The following LAMC3 variants were observed in gnomAD, a reference collection of about 807,000 sequenced individuals.
LAMC3 encodes the protein laminin subunit gamma-3.
In LAMC3, 128 loss-of-function variants were observed where a neutral mutation model predicts 173.8. That is an observed-to-expected ratio of 0.74 (90% CI 0.64 to 0.85). The LOEUF (loss-of-function observed/expected upper bound fraction) is 0.85. Among genes scored for constraint, LAMC3 ranks in the 40% least tolerant of loss-of-function variants. The pLI, the probability that LAMC3 is intolerant of heterozygous loss-of-function variation, is 0.00. For missense variants in LAMC3, 2,022 were observed against 2,156.0 expected, an observed-to-expected ratio of 0.94 and a Z score of 1.23; for synonymous variants, 897 against 909.1, an observed-to-expected ratio of 0.99 and a Z score of 0.24.
chr9:131,052,984 A>C lies in LAMC3; in HGVS notation c.1939+19A>C. On this transcript the variant is annotated intron_variant, in intron 11 of 27. Coordinates refer to ENST00000361069, the MANE Select transcript of LAMC3 (RefSeq NM_006059.4). ...CCTGCCGGTCAGTAAAGACAACCACATGCCCAAGACCCGAGTGCTTGCCAG... is the reference window on the plus strand; with the variant it reads ...CCTGCCGGTCAGTAAAGACAACCACCTGCCCAAGACCCGAGTGCTTGCCAG... The C allele has an allele frequency of 9.7e-6, 15 of 1,546,106 alleles. No individual in the cohort carries two copies. The highest frequency in any genetic ancestry group is 1.2e-5 in the Non-Finnish European group (14 of 1,121,304).
At chr9:131,064,664 CAAA>C (rs36112492) in intron 13 of LAMC3, among the ~76,000 whole-genome samples, 1 of 32,474 alleles carries the variant, frequency 3.1e-5, no homozygotes, top group Non-Finnish European at 6.8e-5. Context: ...ACTCCGTCTC[CAAA>C]AAAAAAAAAA....
Position 131,071,639 on chromosome 9 carries a change from G to A in LAMC3, c.3211+14G>A, listed in dbSNP as rs369043402. On this transcript the variant is annotated intron_variant, in intron 18 of 27. Transcript: ENST00000361069. ...ACCTGCTTCCAGGTACAGCAGGAGC[G>A]CAGAGCGGGAGGGTGGGAGGCAAGG... 1.6e-4 allele frequency: 252 copies of A among 1,558,102 alleles called. 1 individual carries two copies. In the South Asian group the frequency reaches 2.5e-3, roughly 16 times the overall value.
chr9:131,071,767 C>A (rs1830040290), intron 18 of LAMC3, 142 bp downstream of exon 18: 2 of 771,086 alleles, frequency 2.6e-6, no homozygotes, highest in African/African-American at 3.5e-5. Context: ...CCACCTGTAA[C>A]TTTATTAATA....
intron 13 of LAMC3, among the ~76,000 whole-genome samples, chr9:131,062,754 A>G (rs548129331): frequency 6.6e-6 from 1 of 152,020 alleles, no homozygotes; most frequent in South Asian, 2.1e-4. Flanking sequence ...CTGTAATCCC[A>G]GCTACTCGGG....
At chr9:131,080,769 A>C (rs1830224436) in intron 23 of LAMC3, among the ~76,000 whole-genome samples, 1 of 152,082 alleles carries the variant, frequency 6.6e-6, no homozygotes, top group Non-Finnish European at 1.5e-5. Context: ...CTTCCCCAGG[A>C]GTCAGGGCCA....
intron 25 of LAMC3, 94 bp downstream of exon 25, chr9:131,085,817 C>A: frequency 1.7e-6 from 2 of 1,170,174 alleles, no homozygotes; most frequent in Non-Finnish European, 2.5e-6. Flanking sequence ...CTGACTACTC[C>A]GCACTCACTC....
chr9:131,016,945 T>A (rs532885014), intron 1 of LAMC3, among the ~76,000 whole-genome samples: 4 of 152,188 alleles, frequency 2.6e-5, no homozygotes, highest in Middle Eastern at 3.4e-3. Flanking sequence ...ATTTTTTTTT[T>A]AAAAAGCACC....
chr9:131,026,451 C>T lies in LAMC3; in HGVS notation c.540C>T (p.Arg180=), dbSNP rs1262598398. Residue 180 remains arginine (R), a synonymous_variant, in exon 2 of 28, where the codon CGC becomes CGT. Transcript: ENST00000361069. This position sits in a 1 kb window ranked among gnomAD's most constrained non-coding sequence, Gnocchi z 4.8. ...TYGRPEGQYL[R]PGEDERVAFC... ...GCCGGCCCGAGGGCCAGTACCTGCGCCCCGGCGAGGACGAGCGCGTGGCCT... is the reference window on the plus strand; with the variant it reads ...GCCGGCCCGAGGGCCAGTACCTGCGTCCCGGCGAGGACGAGCGCGTGGCCT... 3.1e-6 allele frequency: 5 copies of T among 1,613,642 alleles called. No homozygotes were observed. In the South Asian group the frequency reaches 5.5e-5, roughly 18 times the overall value.
intron 3 of LAMC3, among the ~76,000 whole-genome samples, chr9:131,032,758 T>A (rs1038264486): frequency 6.6e-6 from 1 of 152,162 alleles, no homozygotes; most frequent in African/African-American, 2.4e-5. Context: ...AACCTCTGCC[T>A]CCCAGGTTCA....
intron 1 of LAMC3, among the ~76,000 whole-genome samples, chr9:131,019,980 C>T (rs1004470385): frequency 6.6e-6 from 1 of 152,074 alleles, no homozygotes; most frequent in Non-Finnish European, 1.5e-5. Context: ...AGAATGACAC[C>T]GGGACAGTCA....
In LAMC3 at chr9:131,091,557, G is replaced by A. The variant is rs1231227438; in HGVS notation, c.4498G>A (p.Ala1500Thr). 1 of 1,585,754 alleles carries A rather than the reference G, an allele frequency of 6.3e-7. No individual in the cohort carries two copies. Residue 1500 changes from alanine (A) to threonine (T), a missense_variant, in exon 28 of 28, where the codon GCC becomes ACC. Physicochemically the swap from Ala to Thr is moderately conservative, Grantham distance 58 (BLOSUM62 0). Transcript: ENST00000361069. ...CACAGGGTCGCTGGACACCCATCAA[G>A]CCCCAGCCCAGGCCCTGAACGAGAC... ...ARLGSLDTHQ[A>T]PAQALNETQW...
chr9:131,046,978 G>T (rs549613642), intron 8 of LAMC3, among the ~76,000 whole-genome samples: 2 of 152,204 alleles, frequency 1.3e-5, no homozygotes, highest in South Asian at 4.1e-4. Flanking sequence ...CTGGGTCCTG[G>T]GTCCGGGGGT....
intron 25 of LAMC3, 87 bp from the exon 26 acceptor site, chr9:131,087,389 T>C: frequency 6.7e-7 from 1 of 1,497,422 alleles, no homozygotes; most frequent in Non-Finnish European, 9.3e-7. Flanking sequence ...AGACAACTGC[T>C]TGGCATCATT....
At chr9:131,021,932 A>G (rs536899225) in intron 1 of LAMC3, among the ~76,000 whole-genome samples, 1 of 152,244 alleles carries the variant, frequency 6.6e-6, no homozygotes, top group South Asian at 2.1e-4. Flanking sequence ...CCTGGGTGCC[A>G]CCCTCCAGGA....
intron 3 of LAMC3, among the ~76,000 whole-genome samples, chr9:131,035,515 T>C (rs1833927058): frequency 6.6e-6 from 1 of 152,096 alleles, no homozygotes; most frequent in South Asian, 2.1e-4. Context: ...GGGAGGGTGC[T>C]AAACCATTCA....
chr9:131,085,799 C>A, intron 25 of LAMC3, 76 bp downstream of exon 25: 1 of 1,405,640 alleles, frequency 7.1e-7, no homozygotes, highest in Non-Finnish European at 1.0e-6. Context: ...CCCTTCCCGA[C>A]ATCCGTGCTG....
intron 22 of LAMC3, among the ~76,000 whole-genome samples, chr9:131,077,916 T>C (rs1830163967): frequency 6.6e-6 from 1 of 152,032 alleles, no homozygotes. Flanking sequence ...AGCAGTGTCA[T>C]CAGATGGACA....
chr9:131,064,489 C>T (rs1315076622), intron 13 of LAMC3, among the ~76,000 whole-genome samples: 2 of 151,566 alleles, frequency 1.3e-5, no homozygotes, highest in Non-Finnish European at 2.9e-5. Flanking sequence ...CGGTGAAACC[C>T]CATCTCTAGT....
Position 131,009,902 on chromosome 9 carries a change from C to G in LAMC3, c.373+315C>G, listed in dbSNP as rs1833381490. On this transcript the variant is annotated intron_variant, in intron 1 of 27. Transcript: ENST00000361069. The surrounding 1 kb of genome is among the most constrained non-coding windows in gnomAD (Gnocchi z 4.3). Reference sequence around the variant, plus strand: ...GGCGCGGTGGCTGACGTCTGTAATCCCAGCACTTTGGGAGGCCGAGGCGGG... The same window carrying G: ...GGCGCGGTGGCTGACGTCTGTAATCGCAGCACTTTGGGAGGCCGAGGCGGG... Among the ~76,000 whole-genome samples the G allele has an allele frequency of 1.3e-5, 2 of 151,760 alleles. No homozygotes were observed. Among genetic ancestry groups the G allele is most frequent in the South Asian group, 4.2e-4 (2 of 4,802 alleles).
Sources: gnomAD v4.1 joint callset for allele counts (sites outside exome capture counted in the v4.1 genomes callset) on GRCh38, gnomAD v4.1.1 for gene constraint, Gnocchi (gnomAD v3.1) non-coding constraint, MANE v1.5 for transcripts, NCBI Gene and HGNC (gene_info 2026-07-23, HGNC 2026-07-21) for gene names.